Variants in A1CF observed in about 807,000 individuals in gnomAD.
A1CF encodes APOBEC1 complementation factor, also known as APOBEC-1 stimulating protein.
A neutral mutation model predicts 68.9 loss-of-function variants in A1CF; 48 were observed. That is an observed-to-expected ratio of 0.70 (90% CI 0.55 to 0.89). The LOEUF (loss-of-function observed/expected upper bound fraction) is 0.89. Ranked by LOEUF, A1CF falls within the 40% of genes least tolerant of loss-of-function variation. The probability of loss-of-function intolerance (pLI) is 0.00; values close to 1 mark genes in which losing one functional copy is unlikely to be tolerated. For missense variants in A1CF, 653 were observed against 718.9 expected, an observed-to-expected ratio of 0.91 and a Z score of 1.05; for synonymous variants, 272 against 260.4, an observed-to-expected ratio of 1.04 and a Z score of -0.43.
intron 1 of A1CF, among the ~76,000 whole-genome samples, chr10:50,881,308 A>ATAGGTAAGTTAGT (rs1465487744): frequency 1.3e-5 from 2 of 152,222 alleles, no homozygotes; most frequent in East Asian, 3.9e-4. Flanking sequence ...CTCTTAACTG[A>ATAGGTAAGTTAGT]TAGGTACATT....
chr10:50,884,115 T>G (rs1450598873), intron 1 of A1CF, among the ~76,000 whole-genome samples: 2 of 152,226 alleles, frequency 1.3e-5, no homozygotes, highest in African/African-American at 4.8e-5. Flanking sequence ...ACAATGGAGT[T>G]GCTTTTCTTT....
intron 3 of A1CF, 38 bp from the exon 4 acceptor site, chr10:50,844,160 T>C: frequency 6.3e-7 from 1 of 1,591,238 alleles, no homozygotes; most frequent in Non-Finnish European, 8.5e-7. Flanking sequence ...GAGGAGAAAA[T>C]GATCAAGACT....
At chr10:50,818,826 G>A (rs990299360) in intron 8 of A1CF, among the ~76,000 whole-genome samples, 3 of 152,098 alleles carry the variant, frequency 2.0e-5, no homozygotes, top group African/African-American at 7.2e-5. Flanking sequence ...ATATGCAAGA[G>A]GCTCCACAGT....
intron 6 of A1CF, 78 bp downstream of exon 6, chr10:50,835,996 A>T: frequency 3.6e-6 from 5 of 1,376,044 alleles, no homozygotes; most frequent in Non-Finnish European, 3.9e-6. Context: ...GCCAAAAAAA[A>T]TTAAAAATGC....
At chr10:50,836,409 A>G in intron 5 of A1CF, 97 bp from the exon 6 acceptor site, 1 of 1,362,624 alleles carries the variant, frequency 7.3e-7, no homozygotes, top group Admixed American at 2.4e-5. Context: ...AAGATGTGGG[A>G]TGTTTGGGTT....
rs563733800 is a variant in A1CF at position 50,863,245 on chromosome 10, T to C, written c.-46+788A>G. ...GCAAAAACAACCCCCTCTCAAAGTG[T>C]TGACCTAGTCTAAGGAGTGAACTCG... On this transcript the variant is annotated intron_variant, in intron 2 of 12. Transcript: ENST00000373997. 1.1e-3 allele frequency among the ~76,000 whole-genome samples: 167 copies of C among 152,336 alleles called. 1 individual carries two copies. Among genetic ancestry groups the C allele is most frequent in the African/African-American group, 3.9e-3 (161 of 41,574 alleles).
intron 3 of A1CF, among the ~76,000 whole-genome samples, chr10:50,852,021 C>T (rs1392854111): frequency 2.6e-5 from 4 of 152,200 alleles, no homozygotes; most frequent in African/African-American, 9.6e-5. Flanking sequence ...TCAGTACTCA[C>T]AAATGAATAG....
chr10:50,845,070 A>G (rs948344014), intron 3 of A1CF, among the ~76,000 whole-genome samples: 5 of 152,214 alleles, frequency 3.3e-5, no homozygotes, highest in African/African-American at 1.2e-4. Context: ...TTTTTTAAAA[A>G]TAATAACTTA....
intron 1 of A1CF, among the ~76,000 whole-genome samples, chr10:50,872,891 T>C (rs1191632801): frequency 4.0e-5 from 6 of 151,640 alleles, no homozygotes; most frequent in Non-Finnish European, 8.8e-5. Context: ...TGATGTATCA[T>C]TTGGCAAGAT....
At chr10:50,835,323 C>A (rs1213808289) in intron 6 of A1CF, among the ~76,000 whole-genome samples, 1 of 152,076 alleles carries the variant, frequency 6.6e-6, no homozygotes, top group East Asian at 1.9e-4. Flanking sequence ...GTTTTGAATT[C>A]TGGTGGCTCT....
chr10:50,825,991 A>G (rs1362214227), intron 7 of A1CF, among the ~76,000 whole-genome samples: 1 of 152,142 alleles, frequency 6.6e-6, no homozygotes, highest in Non-Finnish European at 1.5e-5. Context: ...TAAACATCCT[A>G]CAATCCACTG....
intron 6 of A1CF, among the ~76,000 whole-genome samples, chr10:50,830,762 A>G (rs971325402): frequency 1.3e-5 from 2 of 152,186 alleles, no homozygotes; most frequent in Non-Finnish European, 2.9e-5. Flanking sequence ...AATAGAAAAT[A>G]CAATTCTAAA....
At chr10:50,827,779 A>T (rs962026814) in intron 7 of A1CF, among the ~76,000 whole-genome samples, 5 of 152,196 alleles carry the variant, frequency 3.3e-5, no homozygotes, top group African/African-American at 1.2e-4. Flanking sequence ...GCAAGAAATA[A>T]CTAAGATCAG....
rs1428172050 is a variant in A1CF, at chr10:50,813,896, A to G, written c.1284T>C (p.Pro428=). ...LPGMELTPMN[P]VTLKPQGIKL... ...TAATTCCTTGGGGTTTTAATGTGAC[A>G]GGATTCATTGGGGTGAGCTCCATCC... The change falls in exon 10 of 13, where the codon CCT becomes CCC. Residue 428 remains proline, a synonymous_variant. Transcript: ENST00000373997. The G allele has an allele frequency of 1.9e-6, 3 of 1,613,914 alleles. No homozygotes were observed. The highest frequency in any genetic ancestry group is 3.3e-5 in the Admixed American group (2 of 59,992).
rs1179924837 is a variant in A1CF at position 50,803,833 on chromosome 10, T to G, written c.*2896A>C. 1 of 152,130 alleles carries G rather than the reference T, an allele frequency of 6.6e-6. No homozygotes were observed. The allele number at this position is 152,130 out of a possible 1,614,324, so 9.4% of individuals were successfully genotyped here. ...TGTAAAGAATTAGGAAGCATTCAAATAAGAAATTACAGAAAAATTGATAGT... is the reference window on the plus strand; with the variant it reads ...TGTAAAGAATTAGGAAGCATTCAAAGAAGAAATTACAGAAAAATTGATAGT... On this transcript the variant is annotated 3_prime_UTR_variant, in exon 13 of 13. Transcript: ENST00000373997.
chr10:50,868,429 T>C (rs1401305892), intron 1 of A1CF, among the ~76,000 whole-genome samples: 3 of 152,200 alleles, frequency 2.0e-5, no homozygotes, highest in Non-Finnish European at 4.4e-5. Flanking sequence ...ACTTTGGTCA[T>C]GGATCATGAG....
At chr10:50,838,184 A>G (rs1200032630) in intron 5 of A1CF, among the ~76,000 whole-genome samples, 1 of 152,154 alleles carries the variant, frequency 6.6e-6, no homozygotes, top group African/African-American at 2.4e-5. Flanking sequence ...CATGGAGCGA[A>G]TGGCTCTTGG....
rs975520141 is a variant in A1CF, at chr10:50,877,080, G to A, written c.-94+8501C>T. On this transcript the variant is annotated intron_variant, in intron 1 of 12. Coordinates refer to ENST00000373997, the MANE Select transcript of A1CF (RefSeq NM_014576.4). ...TGACTTCTAGAAGATTCCTGGGGAAGAGAGTTGACAGAATTTAGAAATTAT... is the reference window on the plus strand; with the variant it reads ...TGACTTCTAGAAGATTCCTGGGGAAAAGAGTTGACAGAATTTAGAAATTAT... Among the ~76,000 whole-genome samples the A allele has an allele frequency of 3.7e-4, 57 of 152,188 alleles. 2 individuals are homozygous for A. The highest frequency in any genetic ancestry group is 4.4e-5 in the Non-Finnish European group (3 of 68,036).
chr10:50,800,233 T>G lies in A1CF; in HGVS notation c.*6496A>C, dbSNP rs1837545149. 6.6e-6 allele frequency: 1 copy of G among 152,146 alleles called. No individual in the cohort carries two copies. Among genetic ancestry groups the G allele is most frequent in the Non-Finnish European group, 1.5e-5 (1 of 67,988 alleles). 9.4% of individuals were successfully genotyped at this position (152,146 alleles called of 1,614,324 possible). A position where few individuals can be genotyped will look rare whatever the true frequency, so the allele number is the denominator to read the frequency against. ...GTAGGTGAATTTATCAATTCCATGT[T>G]TTAATTCTCCTTCTGGACCTCTAAC... On this transcript the variant is annotated 3_prime_UTR_variant, in exon 13 of 13. Coordinates refer to ENST00000373997, the MANE Select transcript of A1CF (RefSeq NM_014576.4).
Sources: gnomAD v4.1 joint callset for allele counts (sites outside exome capture counted in the v4.1 genomes callset) on GRCh38, gnomAD v4.1.1 for gene constraint, MANE v1.5 for transcripts, NCBI Gene and HGNC (gene_info 2026-07-23, HGNC 2026-07-21) for gene names.